JARID2: variants seen among roughly 807,000 people sequenced by gnomAD.
JARID2 encodes protein Jumonji.
A neutral mutation model predicts 125.6 loss-of-function variants in JARID2; 21 were observed. The observed-to-expected ratio is 0.17, with a 90% CI of 0.12 to 0.24. JARID2 has a LOEUF of 0.24. Ranked by LOEUF, JARID2 falls within the 10% of genes least tolerant of loss-of-function variation. The pLI, the probability that JARID2 is intolerant of heterozygous loss-of-function variation, is 1.00. For missense variants in JARID2, 1,303 were observed against 1,639.6 expected, an observed-to-expected ratio of 0.79 and a Z score of 3.55; for synonymous variants, 736 against 661.6, an observed-to-expected ratio of 1.11 and a Z score of -1.73.
At chr6:15,417,945 A>G (rs1023149425) in intron 3 of JARID2, among the ~76,000 whole-genome samples, 9 of 152,096 alleles carry the variant, frequency 5.9e-5, no homozygotes, top group Non-Finnish European at 1.0e-4. Flanking sequence ...CCTCTCTGTC[A>G]GCCCTACCAC....
At chr6:15,247,671 T>A (rs1759237061) in intron 1 of JARID2, 1 of 985,238 alleles carries the variant, frequency 1.0e-6, no homozygotes, top group African/African-American at 1.7e-5. Flanking sequence ...TAATGAGAGA[T>A]GACCTTCGGG....
chr6:15,496,361 C>T lies in JARID2; in HGVS notation c.1136C>T (p.Thr379Ile), dbSNP rs759187745. 27 of 1,614,082 alleles carry T rather than the reference C, an allele frequency of 1.7e-5. 1 individual carries two copies. The South Asian group carries it at 2.9e-4, about 17-fold the overall frequency. Reference sequence around the variant, plus strand: ...GTCAACCACACAATCTCAGGGAAAACTGAAAGTAGCAATGCAAAAACCCGC... The same window carrying T: ...GTCAACCACACAATCTCAGGGAAAATTGAAAGTAGCAATGCAAAAACCCGC... ...SAVNHTISGKTESSNAKTRKQ... is the reference protein window; with the variant it reads ...SAVNHTISGKIESSNAKTRKQ... The change falls in exon 7 of 18, where the codon ACT (threonine) becomes ATT (isoleucine). Residue 379 changes from threonine to isoleucine, a missense_variant. Around this residue, in one of 11 missense-constraint regions of JARID2, gnomAD observed 651 missense variants for 581.6 expected, o/e 1.12. Coordinates refer to ENST00000341776, the MANE Select transcript of JARID2 (RefSeq NM_004973.4).
intron 3 of JARID2, among the ~76,000 whole-genome samples, chr6:15,422,077 G>A (rs1393608882): frequency 6.6e-6 from 1 of 152,196 alleles, no homozygotes; most frequent in Non-Finnish European, 1.5e-5. Flanking sequence ...TACAGCTCCC[G>A]AAATCCTCTC....
chr6:15,482,553 A>C (rs1769672465), intron 5 of JARID2, among the ~76,000 whole-genome samples: 1 of 152,224 alleles, frequency 6.6e-6, no homozygotes, highest in African/African-American at 2.4e-5. Context: ...CCTTTTTGTT[A>C]ATCCCGTTAA....
rs535364092 is a variant in JARID2, at chr6:15,277,848, AGAAAGATG to A, written c.45+31267_45+31274del. Among the ~76,000 whole-genome samples, 311 of 151,152 alleles carry A rather than the reference AGAAAGATG, an allele frequency of 2.1e-3. 1 individual carries two copies. Among genetic ancestry groups the A allele is most frequent in the African/African-American group, 7.0e-3 (287 of 41,082 alleles). ...GGCAAGTTCAAGAGAAAGTTGGCAA[AGAAAGATG>A]GATAGATGGAGAGAAAGCAAAAGAA... On this transcript the variant is annotated intron_variant, in intron 1 of 17. Transcript: ENST00000341776.
Position 15,427,970 on chromosome 6 carries a change from A to C in JARID2, c.323+17605A>C, listed in dbSNP as rs139050043. On this transcript the variant is annotated intron_variant, in intron 3 of 17. Transcript: ENST00000341776. ...AATTGCAAGTAGTGCACAGTGCTTT[A>C]ACTAAGATGAGAATTGAATGTTTCT... 2.1e-3 allele frequency among the ~76,000 whole-genome samples: 323 copies of C among 152,120 alleles called. 1 individual carries two copies. The highest frequency in any genetic ancestry group is 7.3e-3 in the African/African-American group (304 of 41,494).
chr6:15,478,560 G>A (rs1363873988), intron 5 of JARID2, among the ~76,000 whole-genome samples: 1 of 151,970 alleles, frequency 6.6e-6, no homozygotes, highest in African/African-American at 2.4e-5. Context: ...CTCTCGGTGT[G>A]TAGTAAACAG....
chr6:15,413,015 TTTTTTTTG>T (rs1364657268), intron 3 of JARID2, among the ~76,000 whole-genome samples: 1,323 of 94,084 alleles, frequency 0.014, 186 homozygotes, highest in African/African-American at 0.017. Flanking sequence ...TTTGTTTTTT[TTTTTTTTG>T]TTTTTTTTTT....
At chr6:15,493,151 T>TCA (rs1770238271) in intron 6 of JARID2, among the ~76,000 whole-genome samples, 1 of 151,910 alleles carries the variant, frequency 6.6e-6, no homozygotes, top group Non-Finnish European at 1.5e-5. Flanking sequence ...CCTTACACTC[T>TCA]TATTTGAGAT....
At chr6:15,517,052 C>T (rs549610892) in intron 16 of JARID2, 109 bp from the exon 17 acceptor site, 7 of 750,952 alleles carry the variant, frequency 9.3e-6, no homozygotes, top group African/African-American at 3.4e-5. Context: ...GCTACTCTGG[C>T]GCGGGCAGTG....
At chr6:15,492,684 A>G (rs1053130739) in intron 6 of JARID2, among the ~76,000 whole-genome samples, 7 of 152,228 alleles carry the variant, frequency 4.6e-5, no homozygotes, top group Middle Eastern at 3.4e-3. Flanking sequence ...GGGGCTTCCT[A>G]TGTTAGCTTT....
chr6:15,489,311 T>C (rs1453631465), intron 6 of JARID2, among the ~76,000 whole-genome samples: 1 of 152,230 alleles, frequency 6.6e-6, no homozygotes, highest in African/African-American at 2.4e-5. Context: ...CTTCCAGATC[T>C]TGCCTTTCTG....
chr6:15,454,223 A>G lies in JARID2; in HGVS notation c.493+2048A>G, dbSNP rs536436968. Among the ~76,000 whole-genome samples the G allele has an allele frequency of 1.1e-4, 16 of 152,154 alleles. No homozygotes were observed. In the East Asian group the frequency reaches 2.7e-3, roughly 26 times the overall value. ...GGGAAACTCAGCCCTGACACCCCAT[A>G]TGGTTGCTCCTCACCCCCTCTCCTT... On this transcript the variant is annotated intron_variant, in intron 4 of 17. Coordinates refer to ENST00000341776, the MANE Select transcript of JARID2 (RefSeq NM_004973.4).
intron 1 of JARID2, among the ~76,000 whole-genome samples, chr6:15,338,282 C>T (rs1382992466): frequency 6.6e-6 from 1 of 152,192 alleles, no homozygotes; most frequent in Non-Finnish European, 1.5e-5. Flanking sequence ...AATGGGCAAC[C>T]AGTTCTCTTC....
chr6:15,279,460 C>G (rs1338913753), intron 1 of JARID2, among the ~76,000 whole-genome samples: 1 of 152,202 alleles, frequency 6.6e-6, no homozygotes, highest in Non-Finnish European at 1.5e-5. Context: ...CGGCTTACTG[C>G]TTAGTTCCAG....
intron 1 of JARID2, among the ~76,000 whole-genome samples, chr6:15,297,828 C>T (rs575486779): frequency 6.6e-6 from 1 of 152,012 alleles, no homozygotes; most frequent in Non-Finnish European, 1.5e-5. Context: ...ATTTAGTAGA[C>T]CCTAGATTTT....
intron 2 of JARID2, among the ~76,000 whole-genome samples, chr6:15,406,491 G>A (rs1765657272): frequency 6.6e-6 from 1 of 152,130 alleles, no homozygotes; most frequent in Non-Finnish European, 1.5e-5. Context: ...AGTTCCTTAT[G>A]TATGGGCCCC....
At chr6:15,434,887 G>A (rs551205486) in intron 3 of JARID2, among the ~76,000 whole-genome samples, 3 of 152,258 alleles carry the variant, frequency 2.0e-5, no homozygotes, top group East Asian at 3.9e-4. Context: ...GTAGGTTTGG[G>A]TTTCCTTCAA....
intron 1 of JARID2, among the ~76,000 whole-genome samples, chr6:15,320,773 A>G (rs918129147): frequency 1.3e-5 from 2 of 152,100 alleles, no homozygotes; most frequent in Non-Finnish European, 2.9e-5. Flanking sequence ...TTTCATATGC[A>G]ATATATGTAA....
Sources: gnomAD v4.1 joint callset for allele counts (sites outside exome capture counted in the v4.1 genomes callset) on GRCh38, gnomAD v4.1.1 for gene constraint, gnomAD v4.1.1 regional missense constraint, MANE v1.5 for transcripts, NCBI Gene and HGNC (gene_info 2026-07-23, HGNC 2026-07-21) for gene names.